Variants in RARB observed in about 807,000 individuals in gnomAD.
RARB encodes the protein retinoic acid receptor beta.
Under a neutral mutation model 51.9 loss-of-function variants are expected in RARB, and 17 were observed. The ratio of observed to expected loss-of-function variants is 0.33; its 90% CI spans 0.22 to 0.49. RARB has a LOEUF of 0.49. RARB is among the 20% of genes least tolerant of loss of function. The pLI, the probability that RARB is intolerant of heterozygous loss-of-function variation, is 0.99. For synonymous variants in RARB, 215 were observed against 195.4 expected (o/e 1.10, Z -0.84); for missense variants, 369 against 550.8 (o/e 0.67, Z 3.30).
At position 25,597,506 on chromosome 3, in the gene RARB, GA is replaced by G. The variant is rs1701898230; in HGVS notation, c.*893del. 5 of 152,736 alleles carry G rather than the reference GA, an allele frequency of 3.3e-5. No individual in the cohort carries two copies. In the South Asian group the frequency reaches 1.0e-3, roughly 32 times the overall value. 9.5% of individuals were successfully genotyped at this position (152,736 alleles called of 1,614,324 possible). A position where few individuals can be genotyped will look rare whatever the true frequency, so the allele number is the denominator to read the frequency against. ...GTTTACTTGTTCACAAGCCATTAGG[GA>G]AATTTCATGGGATAATTAGCAGGCT... On this transcript the variant is annotated 3_prime_UTR_variant, in exon 8 of 8. Transcript: ENST00000330688.
At chr3:25,156,111 A>T (rs1196918368) in intron 4 of RARB, among the ~76,000 whole-genome samples, 1 of 152,198 alleles carries the variant, frequency 6.6e-6, no homozygotes, top group Non-Finnish European at 1.5e-5. Flanking sequence ...CCACATCAGC[A>T]TCAATAGTAG....
intron 5 of RARB, among the ~76,000 whole-genome samples, chr3:25,193,320 A>C (rs962014181): frequency 7.9e-5 from 12 of 152,074 alleles, no homozygotes; most frequent in African/African-American, 2.9e-4. Context: ...GATGTTTAGA[A>C]ATCTTAAAGA....
chr3:25,494,845 T>A (rs1274894587), intron 2 of RARB, among the ~76,000 whole-genome samples: 1 of 152,188 alleles, frequency 6.6e-6, no homozygotes, highest in Non-Finnish European at 1.5e-5. Context: ...GGGAAATTGT[T>A]CAGAAAAAAC....
At chr3:24,960,651 A>G (rs1696119480) in intron 2 of RARB, among the ~76,000 whole-genome samples, 1 of 152,196 alleles carries the variant, frequency 6.6e-6, no homozygotes, top group African/African-American at 2.4e-5. Context: ...ACAAAACCAG[A>G]ATAAAATGCT....
chr3:24,835,050 C>A (rs1702326276), intron 1 of RARB, among the ~76,000 whole-genome samples: 1 of 151,996 alleles, frequency 6.6e-6, no homozygotes, highest in Non-Finnish European at 1.5e-5. Flanking sequence ...TGTCTTTCTT[C>A]ATCACTCTTA....
At chr3:25,114,711 AAAG>A (rs1339696709) in intron 3 of RARB, among the ~76,000 whole-genome samples, 10 of 152,286 alleles carry the variant, frequency 6.6e-5, no homozygotes, top group Middle Eastern at 3.4e-3. Flanking sequence ...TCCTTGGAGG[AAAG>A]AAGATTAGGT....
chr3:25,393,053 G>A (rs1428859899), intron 5 of RARB, among the ~76,000 whole-genome samples: 3 of 151,982 alleles, frequency 2.0e-5, no homozygotes, highest in African/African-American at 7.3e-5. Context: ...ATTACCTTAA[G>A]GTATGTCCCT....
chr3:25,588,521 G>C (rs916322377), intron 5 of RARB, among the ~76,000 whole-genome samples: 3 of 152,152 alleles, frequency 2.0e-5, no homozygotes, highest in African/African-American at 7.2e-5. Context: ...CTATTGCAGT[G>C]TAACAAAATA....
In RARB at chr3:25,106,459, T is replaced by A. The variant is rs989636436; in HGVS notation, c.-327-25702T>A. On this transcript the variant is annotated intron_variant, in intron 3 of 11. Transcript: ENST00000383772. ...CCCAGCTACTGTTTTTTGTTTTTTG[T>A]TTTTTTTTGTTTTGTTTTTTTTTTG... Among the ~76,000 whole-genome samples, 16 of 90,868 alleles carry A rather than the reference T, an allele frequency of 1.8e-4. 1 individual carries two copies. Among genetic ancestry groups the A allele is most frequent in the Non-Finnish European group, 3.5e-4 (16 of 45,942 alleles). 59.6% of individuals were successfully genotyped at this position (90,868 alleles called of 152,430 possible). A position where few individuals can be genotyped will look rare whatever the true frequency, so the allele number is the denominator to read the frequency against.
intron 2 of RARB, among the ~76,000 whole-genome samples, chr3:25,030,904 G>A (rs1317165293): frequency 6.6e-6 from 1 of 152,120 alleles, no homozygotes; most frequent in African/African-American, 2.4e-5. Flanking sequence ...CTTTCAACAG[G>A]GGCAGGCAGC....
rs1280632627 is a variant in RARB at position 24,923,743 on chromosome 3, G to T, written c.-380+64991G>T. On this transcript the variant is annotated intron_variant, in intron 2 of 11. Coordinates refer to the RARB transcript ENST00000383772. ...TAGGAAGGCTTGTGAACATAAACGG[G>T]CCTGAGCAAACCTAGAGTTTAGTAG... Among the ~76,000 whole-genome samples, 4 of 152,224 alleles carry T rather than the reference G, an allele frequency of 2.6e-5. No homozygotes were observed. The East Asian group carries it at 7.7e-4, about 29-fold the overall frequency.
intron 4 of RARB, among the ~76,000 whole-genome samples, chr3:25,143,753 C>T: frequency 6.6e-6 from 1 of 152,124 alleles, no homozygotes; most frequent in Middle Eastern, 3.2e-3. Context: ...CAAATGCTGC[C>T]CTGGCCCTTG....
chr3:25,541,131 C>T (rs1429269339), intron 3 of RARB, among the ~76,000 whole-genome samples: 1 of 152,168 alleles, frequency 6.6e-6, no homozygotes, highest in Non-Finnish European at 1.5e-5. Context: ...CCCAGGACAA[C>T]CACAAAATTG....
At position 25,593,637 on chromosome 3, in the gene RARB, C is replaced by T. The variant is rs1701700145; in HGVS notation, c.921C>T (p.Asn307=). The change falls in exon 6 of 8, where the codon AAC becomes AAT. Residue 307 remains asparagine, a synonymous_variant. Coordinates refer to ENST00000330688, the MANE Select transcript of RARB (RefSeq NM_000965.5). The part of the protein sequence containing the change: ...PLTDLVFTFA[N]QLLPLEMDDT... ...CTGACCTTGTGTTCACCTTTGCCAA[C>T]CAGCTCCTGCCTTTGGAAATGGATG... The T allele has an allele frequency of 6.2e-7, 1 of 1,614,162 alleles. No individual in the cohort carries two copies. The highest frequency in any genetic ancestry group is 8.5e-7 in the Non-Finnish European group (1 of 1,180,008).
intron 1 of RARB, among the ~76,000 whole-genome samples, chr3:24,841,707 C>G (rs1702423512): frequency 6.6e-6 from 1 of 152,130 alleles, no homozygotes; most frequent in Non-Finnish European, 1.5e-5. Flanking sequence ...ACTAATAAAA[C>G]TGGTTTACTA....
intron 3 of RARB, among the ~76,000 whole-genome samples, chr3:25,106,929 C>A (rs528120693): frequency 2.6e-5 from 4 of 151,448 alleles, no homozygotes; most frequent in African/African-American, 9.7e-5. Flanking sequence ...GAGATGGAGT[C>A]TCGCTGTCTT....
intron 5 of RARB, among the ~76,000 whole-genome samples, chr3:25,212,245 A>G (rs1381943410): frequency 6.7e-6 from 1 of 148,842 alleles, no homozygotes; most frequent in Non-Finnish European, 1.5e-5. Flanking sequence ...CTCAATGCAT[A>G]AATAAATAAT....
In RARB at chr3:25,594,592, A is replaced by C; in HGVS notation, c.1064A>C (p.Tyr355Ser). ...QEPLLEALKI[Y>S]IRKRRPSKPH... Reference sequence around the variant, plus strand: ...CCATTGCTGGAAGCACTAAAAATTTATATCAGAAAAAGACGACCCAGCAAG... The same window carrying C: ...CCATTGCTGGAAGCACTAAAAATTTCTATCAGAAAAAGACGACCCAGCAAG... The change falls in exon 7 of 8, where the codon TAT becomes TCT. Residue 355 changes from tyrosine to serine, a missense_variant. By Grantham distance (144) the Tyr-to-Ser change is moderately radical. Transcript: ENST00000330688. The C allele has an allele frequency of 6.2e-7, 1 of 1,613,806 alleles. No individual in the cohort carries two copies. The highest frequency in any genetic ancestry group is 8.5e-7 in the Non-Finnish European group (1 of 1,179,862).
intron 3 of RARB, among the ~76,000 whole-genome samples, chr3:25,117,156 C>A (rs140864065): frequency 2.6e-3 from 391 of 152,234 alleles, no homozygotes; most frequent in African/African-American, 8.6e-3. Context: ...ATAAACAGGG[C>A]AGATAGAGCC....
Sources: gnomAD v4.1 joint callset for allele counts (sites outside exome capture counted in the v4.1 genomes callset) on GRCh38, gnomAD v4.1.1 for gene constraint, MANE v1.5 for transcripts, NCBI Gene and HGNC (gene_info 2026-07-23, HGNC 2026-07-21) for gene names.